STAU1: variants seen among roughly 807,000 people sequenced by gnomAD.
STAU1 encodes double-stranded RNA-binding protein Staufen homolog 1.
A neutral mutation model predicts 62.9 loss-of-function variants in STAU1; 13 were observed. That is an observed-to-expected ratio of 0.21 (90% CI 0.13 to 0.33). The LOEUF is 0.33. Ranked by LOEUF, STAU1 falls within the 10% of genes least tolerant of loss-of-function variation. The pLI is 1.00. For missense variants in STAU1, 571 were observed against 712.1 expected, an observed-to-expected ratio of 0.80 and a Z score of 2.25; for synonymous variants, 269 against 265.1, an observed-to-expected ratio of 1.01 and a Z score of -0.14.
At chr20:49,200,374 G>A in the STAU1 span, among the ~76,000 whole-genome samples, 14 of 152,210 alleles carry the variant, frequency 9.2e-5, no homozygotes, top group South Asian at 2.1e-4. Context: ...CGACGCGGGC[G>A]GATCACAAGG....
chr20:49,149,280 A>ACACC (rs1425149599), intron 5 of STAU1, among the ~76,000 whole-genome samples: 2 of 150,434 alleles, frequency 1.3e-5, no homozygotes, highest in African/African-American at 4.9e-5. Flanking sequence ...ACACACACAC[A>ACACC]CACACACACA....
chr20:49,164,404 G>A (rs1311310020), intron 3 of STAU1, among the ~76,000 whole-genome samples: 1 of 150,500 alleles, frequency 6.6e-6, no homozygotes, highest in African/African-American at 2.4e-5. Flanking sequence ...GGACTCAAGT[G>A]ACCCTCCTGC....
At chr20:49,134,985 T>A in intron 6 of STAU1, 2 of 1,602,844 alleles carry the variant, frequency 1.2e-6, no homozygotes, top group Non-Finnish European at 1.7e-6. Flanking sequence ...AGACAGTTCA[T>A]GAACAAGAGT....
chr20:49,168,953 A>G (rs1346564474), intron 2 of STAU1, among the ~76,000 whole-genome samples: 2 of 151,656 alleles, frequency 1.3e-5, no homozygotes, highest in Non-Finnish European at 2.9e-5. Context: ...AATAGATGCT[A>G]ATTTTTTTTT....
chr20:49,131,712 G>A (rs567069043), intron 6 of STAU1, among the ~76,000 whole-genome samples: 6 of 151,850 alleles, frequency 4.0e-5, no homozygotes, highest in East Asian at 1.9e-4. Context: ...GTGTGGTGGC[G>A]TGCACCTGTA....
chr20:49,137,699 C>T (rs1319116089), intron 5 of STAU1, among the ~76,000 whole-genome samples: 3 of 151,410 alleles, frequency 2.0e-5, no homozygotes, highest in Non-Finnish European at 2.9e-5. Flanking sequence ...GAGTTTTGCT[C>T]GTGTCGCCCA....
At chr20:49,160,657 A>T (rs948406403) in intron 3 of STAU1, among the ~76,000 whole-genome samples, 1 of 152,228 alleles carries the variant, frequency 6.6e-6, no homozygotes, top group African/African-American at 2.4e-5. Flanking sequence ...AGCAAATTTT[A>T]AAATTATAGT....
chr20:49,211,167 C>T, the STAU1 span, among the ~76,000 whole-genome samples: 25 of 152,238 alleles, frequency 1.6e-4, no homozygotes, highest in East Asian at 3.9e-3. Flanking sequence ...ATTTTTATAA[C>T]TGAATAATAT....
intron 6 of STAU1, chr20:49,135,158 T>C: frequency 1.4e-6 from 1 of 731,838 alleles, no homozygotes; most frequent in Non-Finnish European, 2.5e-6. Context: ...TGATCAAGAA[T>C]TTGGGTGGGA....
At chr20:49,194,034 C>CT in the STAU1 span, among the ~76,000 whole-genome samples, 2 of 151,890 alleles carry the variant, frequency 1.3e-5, no homozygotes, top group African/African-American at 2.4e-5. Flanking sequence ...TTTATAAATA[C>CT]TTTGAGACAA....
chr20:49,195,559 AAAGAT>A, the STAU1 span, among the ~76,000 whole-genome samples: 312 of 130,590 alleles, frequency 2.4e-3, 34 homozygotes, highest in African/African-American at 0.01. Flanking sequence ...AAAAAAAAAA[AAAGAT>A]AGCAACAGAC....
At chr20:49,172,217 A>G (rs186853205) in intron 2 of STAU1, among the ~76,000 whole-genome samples, 1 of 152,344 alleles carries the variant, frequency 6.6e-6, no homozygotes, top group Admixed American at 6.5e-5. Flanking sequence ...AGAGATTTTC[A>G]TTATTTTCAT....
At chr20:49,119,950 C>T in intron 9 of STAU1, 32 bp downstream of exon 9, 1 of 1,605,440 alleles carries the variant, frequency 6.2e-7, no homozygotes, top group South Asian at 1.1e-5. Flanking sequence ...GGCGAGAGAC[C>T]ATCTTGCAAT....
At chr20:49,192,883 G>A (rs1224073583), upstream of STAU1, among the ~76,000 whole-genome samples, 2 of 152,148 alleles carry the variant, frequency 1.3e-5, no homozygotes, top group Non-Finnish European at 2.9e-5. Context: ...TATGAGCCAT[G>A]TCTAAAGTCT....
chr20:49,192,238 C>T (rs1301015887), upstream of STAU1, among the ~76,000 whole-genome samples: 19 of 150,196 alleles, frequency 1.3e-4, no homozygotes, highest in East Asian at 2.0e-4. Flanking sequence ...CCCAGCTACT[C>T]GGGAGGCTGA....
chr20:49,140,135 G>A (rs780992514), intron 5 of STAU1, among the ~76,000 whole-genome samples: 18 of 151,438 alleles, frequency 1.2e-4, no homozygotes, highest in South Asian at 4.2e-4. Context: ...GCAGTGAGCC[G>A]AGATCACGCC....
chr20:49,199,135 G>T, the STAU1 span, among the ~76,000 whole-genome samples: 1 of 151,884 alleles, frequency 6.6e-6, no homozygotes, highest in East Asian at 2.0e-4. Flanking sequence ...AACAGAGAGA[G>T]ACTCCATCTC....
intron 12 of STAU1, 126 bp downstream of exon 12, chr20:49,117,000 T>C: frequency 8.1e-7 from 1 of 1,235,622 alleles, no homozygotes; most frequent in Non-Finnish European, 1.1e-6. Context: ...TATCAAACGA[T>C]TCATTGCTCT....
chr20:49,145,784 G>A (rs2146168336), intron 5 of STAU1, among the ~76,000 whole-genome samples: 1 of 151,960 alleles, frequency 6.6e-6, no homozygotes, highest in East Asian at 1.9e-4. Context: ...TGCAGTCCCA[G>A]ATAATCAAGA....
Sources: allele counts gnomAD v4.1 joint callset (sites outside exome capture counted in the v4.1 genomes callset), GRCh38; gene constraint gnomAD v4.1.1; transcripts MANE v1.5; gene names NCBI Gene and HGNC (gene_info 2026-07-23, HGNC 2026-07-21).